Variants in PTPRN2 observed in about 807,000 individuals in gnomAD.
PTPRN2 encodes receptor-type tyrosine-protein phosphatase N2.
Under a neutral mutation model 118.8 loss-of-function variants are expected in PTPRN2, and 74 were observed. That is an observed-to-expected ratio of 0.62 (90% CI 0.52 to 0.76). The LOEUF is 0.76. Ranked by LOEUF, PTPRN2 falls within the 30% of genes least tolerant of loss-of-function variation. The probability of loss-of-function intolerance (pLI) is 0.00; values close to 1 mark genes in which losing one functional copy is unlikely to be tolerated. For synonymous variants in PTPRN2, 641 were observed against 608.0 expected, an observed-to-expected ratio of 1.05 and a Z score of -0.80; for missense variants, 1,481 against 1,394.4, an observed-to-expected ratio of 1.06 and a Z score of -0.99.
At chr7:157,683,988 C>T (rs1460708671) in intron 12 of PTPRN2, among the ~76,000 whole-genome samples, 4 of 152,032 alleles carry the variant, frequency 2.6e-5, no homozygotes, top group African/African-American at 7.2e-5. Context: ...AATGCCTGGC[C>T]GGCCTATTCA....
intron 12 of PTPRN2, among the ~76,000 whole-genome samples, chr7:157,754,694 C>A (rs1443833277): frequency 6.6e-6 from 1 of 152,226 alleles, no homozygotes; most frequent in Non-Finnish European, 1.5e-5. Context: ...TCACGGGGTG[C>A]CCCCAGCCCT....
intron 14 of PTPRN2, among the ~76,000 whole-genome samples, chr7:157,643,442 ACT>A (rs1303499989): frequency 2.0e-5 from 3 of 152,162 alleles, no homozygotes; most frequent in African/African-American, 4.8e-5. Context: ...TGGAAGGGAC[ACT>A]CTCTGCCTGT....
At chr7:158,482,757 A>T (rs1237667412) in intron 2 of PTPRN2, among the ~76,000 whole-genome samples, 3 of 152,326 alleles carry the variant, frequency 2.0e-5, no homozygotes, top group Admixed American at 6.5e-5. Context: ...TTATATTCAC[A>T]AATGAGCCCA....
In PTPRN2 at chr7:158,297,005, G is replaced by A. The variant is rs574872826; in HGVS notation, c.277+19814C>T. Among the ~76,000 whole-genome samples the A allele has an allele frequency of 4.6e-5, 7 of 152,264 alleles. No homozygotes were observed. The East Asian group carries it at 9.7e-4, about 21-fold the overall frequency. ...GCAGGAGAGACCAGCAGATGTGGCC[G>A]GGGGCAACATTTGGAATGTCCATGG... On this transcript the variant is annotated intron_variant, in intron 3 of 22. Transcript: ENST00000389418.
chr7:158,246,938 T>C (rs541131304), intron 3 of PTPRN2, among the ~76,000 whole-genome samples: 2 of 152,266 alleles, frequency 1.3e-5, no homozygotes, highest in African/African-American at 4.8e-5. Context: ...TGAGTTTCTG[T>C]GATGAGGCCA....
At chr7:158,193,507 C>A (rs557221395) in intron 4 of PTPRN2, among the ~76,000 whole-genome samples, 3 of 152,220 alleles carry the variant, frequency 2.0e-5, no homozygotes, top group East Asian at 3.9e-4. Flanking sequence ...ATGGGGAGCC[C>A]TGGTGGAGGC....
intron 12 of PTPRN2, among the ~76,000 whole-genome samples, chr7:157,686,590 C>A (rs761475700): frequency 6.6e-5 from 10 of 152,144 alleles, no homozygotes; most frequent in Admixed American, 2.6e-4. Flanking sequence ...CGGGTGGACC[C>A]CAAAGAGAGC....
chr7:158,110,765 T>C lies in PTPRN2; in HGVS notation c.1643+64A>G, dbSNP rs573950568. 209 of 1,431,978 alleles carry C rather than the reference T, an allele frequency of 1.5e-4. 2 individuals are homozygous for C. The South Asian group carries it at 2.5e-3, about 17-fold the overall frequency. 88.7% of individuals were successfully genotyped at this position (1,431,978 alleles called of 1,614,324 possible). On this transcript the variant is annotated intron_variant, in intron 10 of 22. Transcript: ENST00000389418. ...AGCCATGGGCTCGCAGCTCCTTCCC[T>C]CCCACCCAGTCTCTGCGACCAAGCA...
At chr7:158,160,456 G>A (rs982896741) in intron 6 of PTPRN2, among the ~76,000 whole-genome samples, 2 of 152,126 alleles carry the variant, frequency 1.3e-5, no homozygotes, top group Non-Finnish European at 2.9e-5. Context: ...GCCGTCCCTG[G>A]GTCTTCAGAC....
intron 3 of PTPRN2, among the ~76,000 whole-genome samples, chr7:158,220,019 T>A (rs1352222481): frequency 3.9e-5 from 6 of 152,090 alleles, no homozygotes; most frequent in Admixed American, 1.3e-4. Context: ...CCTCCCTAAA[T>A]CATTCTATGA....
chr7:158,163,654 G>C (rs527774573), intron 6 of PTPRN2, among the ~76,000 whole-genome samples: 1 of 147,506 alleles, frequency 6.8e-6, no homozygotes, highest in African/African-American at 2.5e-5. Flanking sequence ...GGTGACGCCC[G>C]TATGAAGTTC....
chr7:157,840,816 T>G (rs1271210697), intron 12 of PTPRN2, among the ~76,000 whole-genome samples: 2 of 152,216 alleles, frequency 1.3e-5, no homozygotes, highest in African/African-American at 4.8e-5. Context: ...ACAGGACCCC[T>G]GAAGAGGAGC....
At chr7:157,888,179 G>A (rs990492035) in intron 12 of PTPRN2, among the ~76,000 whole-genome samples, 7 of 151,974 alleles carry the variant, frequency 4.6e-5, no homozygotes, top group South Asian at 2.1e-4. Context: ...AGGCTGAGCC[G>A]GCACTAGGGA....
intron 2 of PTPRN2, among the ~76,000 whole-genome samples, chr7:158,388,417 A>C (rs1869293): frequency 6.6e-6 from 1 of 152,132 alleles, no homozygotes; most frequent in Non-Finnish European, 1.5e-5. Flanking sequence ...CCTCGGGTGC[A>C]ATTTTTCTTT....
chr7:158,046,074 G>T (rs1354766948), intron 11 of PTPRN2, among the ~76,000 whole-genome samples: 1 of 143,706 alleles, frequency 7.0e-6, no homozygotes, highest in African/African-American at 2.6e-5. Context: ...CTGCAATCCT[G>T]GTGTCCTGAC....
intron 2 of PTPRN2, among the ~76,000 whole-genome samples, chr7:158,439,093 A>G (rs1816784928): frequency 6.6e-6 from 1 of 152,166 alleles, no homozygotes; most frequent in Non-Finnish European, 1.5e-5. Context: ...TCTCTTATCT[A>G]TTTCTAACCT....
chr7:158,367,385 T>C (rs929844646), intron 2 of PTPRN2, among the ~76,000 whole-genome samples: 3 of 152,170 alleles, frequency 2.0e-5, no homozygotes, highest in African/African-American at 7.2e-5. Context: ...CTGACTTCCC[T>C]CACCTGAGCT....
At chr7:158,360,649 CAGGA>C (rs1294291375) in intron 2 of PTPRN2, among the ~76,000 whole-genome samples, 1 of 2,350 alleles carries the variant, frequency 4.3e-4, no homozygotes, top group Non-Finnish European at 7.4e-4. Context: ...CACCCTCACC[CAGGA>C]TGACGCACAG....
At chr7:158,038,642 A>G (rs1808240010) in intron 11 of PTPRN2, among the ~76,000 whole-genome samples, 2 of 150,346 alleles carry the variant, frequency 1.3e-5, no homozygotes, top group Admixed American at 6.7e-5. Context: ...TATGCTATAT[A>G]TAACACATAT....
Sources: gnomAD v4.1 joint callset for allele counts (sites outside exome capture counted in the v4.1 genomes callset) on GRCh38, gnomAD v4.1.1 for gene constraint, MANE v1.5 for transcripts, NCBI Gene and HGNC (gene_info 2026-07-23, HGNC 2026-07-21) for gene names.